GPR158: variants seen among roughly 807,000 people sequenced by gnomAD.
GPR158 encodes metabotropic glycine receptor.
In GPR158, 30 loss-of-function variants were observed where a neutral mutation model predicts 78.2. The observed-to-expected ratio is 0.38, with a 90% CI of 0.29 to 0.52. GPR158 has a LOEUF of 0.52. Among genes scored for constraint, GPR158 ranks in the 20% least tolerant of loss-of-function variants. The pLI is 0.83. For synonymous variants in GPR158, 581 were observed against 591.1 expected (o/e 0.98, Z 0.25); for missense variants, 1,463 against 1,523.5 (o/e 0.96, Z 0.66).
Position 25,482,331 on chromosome 10 carries a change from A to G in GPR158, c.1404+15612A>G, listed in dbSNP as rs565997515. ...ATTAAGTAGCTGGAACAATAGGTGT[A>G]TGCCACCACACCTGGCTACTTTTTA... On this transcript the variant is annotated intron_variant, in intron 5 of 10. Coordinates refer to ENST00000376351, the MANE Select transcript of GPR158 (RefSeq NM_020752.3). Among the ~76,000 whole-genome samples, 16 of 152,096 alleles carry G rather than the reference A, an allele frequency of 1.1e-4. 1 individual carries two copies. In the East Asian group the frequency reaches 3.1e-3, roughly 30 times the overall value.
At position 25,596,736 on chromosome 10, in the gene GPR158, A is replaced by G; in HGVS notation, c.2092A>G (p.Ser698Gly). The change falls in exon 10 of 11, where the codon AGC becomes GGC. Residue 698 changes from serine (S) to glycine (G), a missense_variant. Physicochemically the swap from Ser to Gly is moderately conservative, Grantham distance 56. Transcript: ENST00000376351. The part of the protein sequence containing the change: ...DMGRSGSYLN[S>G]SINSAWSEHS... The stretch of plus-strand genomic sequence containing the variant: ...GGGCCGATCTGGATCCTACCTGAAC[A>G]GCAGTATCAATTCAGCCTGGAGTGA... 1 of 1,613,708 alleles carries G rather than the reference A, an allele frequency of 6.2e-7. No individual in the cohort carries two copies. Among genetic ancestry groups the G allele is most frequent in the Non-Finnish European group, 8.5e-7 (1 of 1,179,650 alleles).
chr10:25,592,013 A>T (rs16926162), intron 8 of GPR158, among the ~76,000 whole-genome samples: 14,558 of 152,004 alleles, frequency 0.096, 1,727 homozygotes, highest in African/African-American at 0.28. Flanking sequence ...AATATTTATA[A>T]AGTCCAAGAA....
chr10:25,296,465 A>G (rs546475516), intron 2 of GPR158, among the ~76,000 whole-genome samples: 1 of 150,660 alleles, frequency 6.6e-6, no homozygotes, highest in East Asian at 1.9e-4. Context: ...TTGGTCTATC[A>G]TCTGTCTGTC....
chr10:25,229,431 T>A (rs1370611180), intron 2 of GPR158, among the ~76,000 whole-genome samples: 1 of 152,172 alleles, frequency 6.6e-6, no homozygotes, highest in Non-Finnish European at 1.5e-5. Context: ...AATCTAAAAA[T>A]CTTCTTATTA....
At chr10:25,372,781 CA>C (rs1304364082) in intron 2 of GPR158, among the ~76,000 whole-genome samples, 1 of 150,800 alleles carries the variant, frequency 6.6e-6, no homozygotes, top group East Asian at 2.0e-4. Context: ...GTGGGTGCAG[CA>C]AACAAGCATG....
intron 7 of GPR158, among the ~76,000 whole-genome samples, chr10:25,588,406 G>T (rs1350945059): frequency 6.6e-6 from 1 of 152,184 alleles, no homozygotes; most frequent in African/African-American, 2.4e-5. Context: ...CAAGGTGATT[G>T]TGAATTTTCC....
chr10:25,396,603 A>T (rs824593), intron 3 of GPR158, among the ~76,000 whole-genome samples: 1 of 151,706 alleles, frequency 6.6e-6, no homozygotes, highest in Non-Finnish European at 1.5e-5. Flanking sequence ...GTTCAAAACC[A>T]GCCTGGACAA....
At chr10:25,235,631 T>C (rs1323728556) in intron 2 of GPR158, among the ~76,000 whole-genome samples, 4 of 151,972 alleles carry the variant, frequency 2.6e-5, no homozygotes, top group Non-Finnish European at 5.9e-5. Flanking sequence ...CCTTTTCATG[T>C]CTCAAATTTC....
chr10:25,446,106 G>C (rs1299752116), intron 4 of GPR158, among the ~76,000 whole-genome samples: 1 of 152,138 alleles, frequency 6.6e-6, no homozygotes, highest in Non-Finnish European at 1.5e-5. Context: ...GAAAATTTCA[G>C]CTAAGGGGTG....
At chr10:25,463,960 C>A (rs1274463088) in intron 4 of GPR158, among the ~76,000 whole-genome samples, 1 of 152,116 alleles carries the variant, frequency 6.6e-6, no homozygotes, top group East Asian at 1.9e-4. Context: ...AAAATCTCAC[C>A]TATTAGGTTC....
At chr10:25,590,121 A>C (rs1157022366) in intron 8 of GPR158, among the ~76,000 whole-genome samples, 1 of 151,970 alleles carries the variant, frequency 6.6e-6, no homozygotes, top group Non-Finnish European at 1.5e-5. Context: ...ATTTTGTAGG[A>C]TGCCTATCCT....
At chr10:25,483,322 C>T (rs978426031) in intron 5 of GPR158, among the ~76,000 whole-genome samples, 1 of 152,000 alleles carries the variant, frequency 6.6e-6, no homozygotes, top group Admixed American at 6.6e-5. Context: ...GTTCTCAAAC[C>T]GACCAGGCAC....
intron 2 of GPR158, among the ~76,000 whole-genome samples, chr10:25,269,417 C>A (rs1276019447): frequency 1.3e-5 from 2 of 152,070 alleles, no homozygotes; most frequent in Admixed American, 1.3e-4. Flanking sequence ...GTTTGTTAAT[C>A]CTATGTTAGT....
chr10:25,199,410 A>C (rs546697743), intron 1 of GPR158, among the ~76,000 whole-genome samples: 1 of 152,186 alleles, frequency 6.6e-6, no homozygotes, highest in South Asian at 2.1e-4. Flanking sequence ...AATATGCATT[A>C]TTTGGTCTTC....
chr10:25,184,684 G>C (rs1200932228), intron 1 of GPR158, among the ~76,000 whole-genome samples: 3 of 152,158 alleles, frequency 2.0e-5, no homozygotes, highest in Non-Finnish European at 4.4e-5. Flanking sequence ...CTAGGATAGT[G>C]AAAATAAAAG....
At chr10:25,357,089 G>A (rs1855564903) in intron 2 of GPR158, among the ~76,000 whole-genome samples, 4 of 152,092 alleles carry the variant, frequency 2.6e-5, no homozygotes, top group Admixed American at 2.6e-4. Context: ...GAGGCTGGTG[G>A]CATTTTGCCC....
intron 2 of GPR158, among the ~76,000 whole-genome samples, chr10:25,263,910 C>T (rs577244937): frequency 6.6e-6 from 1 of 152,184 alleles, no homozygotes; most frequent in Non-Finnish European, 1.5e-5. Flanking sequence ...GCACTCCAGC[C>T]TCAGCGACAG....
chr10:25,310,784 G>T (rs1307851971), intron 2 of GPR158, among the ~76,000 whole-genome samples: 1 of 151,890 alleles, frequency 6.6e-6, no homozygotes, highest in African/African-American at 2.4e-5. Flanking sequence ...CATAGTTAGA[G>T]ATCTTTTTCT....
chr10:25,208,850 CTT>C lies in GPR158; in HGVS notation c.903-12187_903-12186del, dbSNP rs569632042. Among the ~76,000 whole-genome samples, 1,338 of 134,992 alleles carry C rather than the reference CTT, an allele frequency of 9.9e-3. 19 individuals carry two copies. Among genetic ancestry groups the C allele is most frequent in the African/African-American group, 0.036 (1,250 of 35,058 alleles). 88.6% of individuals were successfully genotyped at this position (134,992 alleles called of 152,430 possible). A position where few individuals can be genotyped will look rare whatever the true frequency, so the allele number is the denominator to read the frequency against. On this transcript the variant is annotated intron_variant, in intron 1 of 10. Transcript: ENST00000376351. Reference sequence around the variant, plus strand: ...TGTTTTTTTCTTTCTTTCTTTCCTTCTTTTTTTTTTTTTTTTGAGATGGAGTC... The same window carrying C: ...TGTTTTTTTCTTTCTTTCTTTCCTTCTTTTTTTTTTTTTTGAGATGGAGTC...
Sources: gnomAD v4.1 joint callset for allele counts (sites outside exome capture counted in the v4.1 genomes callset) on GRCh38, gnomAD v4.1.1 for gene constraint, MANE v1.5 for transcripts, NCBI Gene and HGNC (gene_info 2026-07-23, HGNC 2026-07-21) for gene names.